The following ARFGEF1 variants were observed in gnomAD, a reference collection of about 807,000 sequenced individuals.
ARFGEF1 encodes ARF guanine nucleotide exchange factor 1.
In ARFGEF1, 42 loss-of-function variants were observed where a neutral mutation model predicts 231.0. The observed-to-expected ratio is 0.18, with a 90% CI of 0.14 to 0.24. ARFGEF1 has a LOEUF of 0.24. Ranked by LOEUF, ARFGEF1 falls within the 10% of genes least tolerant of loss-of-function variation. ARFGEF1 has a pLI of 1.00. For synonymous variants in ARFGEF1, 710 were observed against 732.3 expected (o/e 0.97, Z 0.49); for missense variants, 1,345 against 2,192.0 (o/e 0.61, Z 7.72).
chr8:67,175,282 AT>A (rs749633996), downstream of ARFGEF1: 2 of 1,594,028 alleles, frequency 1.3e-6, no homozygotes, highest in South Asian at 1.1e-5. Flanking sequence ...TATATAACAT[AT>A]TTTTTATACC....
intron 1 of ARFGEF1, among the ~76,000 whole-genome samples, chr8:67,328,420 G>A (rs1282588077): frequency 3.3e-5 from 5 of 152,128 alleles, no homozygotes; most frequent in African/African-American, 1.2e-4. Context: ...GAATATAGCA[G>A]TTTGCACACA....
intron 10 of ARFGEF1, among the ~76,000 whole-genome samples, chr8:67,270,734 AC>A (rs1282283138): frequency 6.9e-4 from 90 of 130,480 alleles, no homozygotes; most frequent in Middle Eastern, 4.0e-3. Flanking sequence ...AAAAAAAAAA[AC>A]CACATAAAGC....
chr8:67,267,562 C>T (rs1189227684), intron 10 of ARFGEF1, 120 bp from the exon 11 acceptor site: 2 of 617,222 alleles, frequency 3.2e-6, no homozygotes, highest in Non-Finnish European at 5.6e-6. Flanking sequence ...TGGAGTTCAA[C>T]TCCTTTTGAG....
chr8:67,180,230 C>A (rs962261010), intron 5 of ARFGEF1, among the ~76,000 whole-genome samples: 1 of 152,100 alleles, frequency 6.6e-6, no homozygotes, highest in Non-Finnish European at 1.5e-5. Flanking sequence ...TAAAAAAACT[C>A]TGGTACATCC....
At chr8:67,298,693 C>A (rs1262368958) in intron 4 of ARFGEF1, among the ~76,000 whole-genome samples, 1 of 152,170 alleles carries the variant, frequency 6.6e-6, no homozygotes, top group African/African-American at 2.4e-5. Context: ...TGAGAACATA[C>A]TTTTCCTCTA....
downstream of ARFGEF1, among the ~76,000 whole-genome samples, chr8:67,192,730 G>A (rs1216462882): frequency 2.6e-5 from 4 of 152,136 alleles, no homozygotes; most frequent in Admixed American, 2.6e-4. Context: ...TTTGCATGTG[G>A]CCATCCAGTT....
chr8:67,342,690 G>A (rs2128941228), intron 1 of ARFGEF1, among the ~76,000 whole-genome samples: 1 of 152,214 alleles, frequency 6.6e-6, no homozygotes, highest in African/African-American at 2.4e-5. Context: ...AACAACTTCA[G>A]CAGCCTATCT....
At chr8:67,266,350 G>A (rs1160488050) in intron 13 of ARFGEF1, 143 bp from the exon 14 acceptor site, 1 of 647,910 alleles carries the variant, frequency 1.5e-6, no homozygotes. Flanking sequence ...AGGTAACATA[G>A]TAAACAACAT....
intron 1 of ARFGEF1, among the ~76,000 whole-genome samples, chr8:67,322,286 C>T (rs1807633254): frequency 6.6e-6 from 1 of 152,244 alleles, no homozygotes; most frequent in Non-Finnish European, 1.5e-5. Flanking sequence ...AGGTAACTCT[C>T]TCACACTTTG....
At chr8:67,201,411 C>T (rs1838323872) in intron 37 of ARFGEF1, 56 bp downstream of exon 37, 4 of 1,557,490 alleles carry the variant, frequency 2.6e-6, no homozygotes, top group Non-Finnish European at 3.5e-6. Flanking sequence ...TGCCTCTTTC[C>T]TGCCCGGCAC....
intron 1 of ARFGEF1, among the ~76,000 whole-genome samples, chr8:67,334,345 A>G (rs914115000): frequency 2.6e-5 from 4 of 151,984 alleles, no homozygotes; most frequent in Admixed American, 1.3e-4. Context: ...CTGATAAAGG[A>G]TATTTAATCT....
At chr8:67,236,363 AAAATAT>A (rs1366981948) in intron 22 of ARFGEF1, among the ~76,000 whole-genome samples, 56 of 37,636 alleles carry the variant, frequency 1.5e-3, no homozygotes, top group Non-Finnish European at 2.1e-3. Flanking sequence ...AAAAAAAAAA[AAAATAT>A]ATATATATAT....
At chr8:67,323,954 C>A (rs1807711456) in intron 1 of ARFGEF1, among the ~76,000 whole-genome samples, 1 of 152,126 alleles carries the variant, frequency 6.6e-6, no homozygotes, top group South Asian at 2.1e-4. Context: ...GCACCTGCCA[C>A]TACGCCTGGC....
chr8:67,290,148 A>C (rs138646961), intron 6 of ARFGEF1, among the ~76,000 whole-genome samples: 247 of 152,336 alleles, frequency 1.6e-3, no homozygotes, highest in African/African-American at 5.5e-3. Flanking sequence ...TATTGGGAGA[A>C]AAACATCTTT....
Position 67,253,444 on chromosome 8 carries a change from T to C in ARFGEF1, c.2698+7A>G, listed in dbSNP as rs1840362153. 7.2e-6 allele frequency: 11 copies of C among 1,524,826 alleles called. No individual in the cohort carries two copies. The highest frequency in any genetic ancestry group is 9.9e-6 in the Non-Finnish European group (11 of 1,111,930). The allele number at this position is 1,524,826 out of a possible 1,614,324, so 94.5% of individuals were successfully genotyped here. A position where few individuals can be genotyped will look rare whatever the true frequency, so the allele number is the denominator to read the frequency against. On this transcript the variant is annotated splice_region_variant and intron_variant, in intron 18 of 38. Transcript: ENST00000262215. ...ACAATCAGAATTCAATTAATTTAGA[T>C]ACTTACTCTGTTTACTTGATTTTGT...
chr8:67,330,363 T>C (rs1375258646), intron 1 of ARFGEF1, among the ~76,000 whole-genome samples: 1 of 152,126 alleles, frequency 6.6e-6, no homozygotes, highest in Non-Finnish European at 1.5e-5. Flanking sequence ...CAAAAGAACC[T>C]TTCCTTCTAC....
At chr8:67,219,114 C>G (rs1382701455) in intron 30 of ARFGEF1, among the ~76,000 whole-genome samples, 1 of 152,056 alleles carries the variant, frequency 6.6e-6, no homozygotes, top group Non-Finnish European at 1.5e-5. Context: ...CTACAGGTAC[C>G]TGCCACCACA....
intron 33 of ARFGEF1, among the ~76,000 whole-genome samples, chr8:67,213,690 G>C (rs1239433201): frequency 6.6e-6 from 1 of 152,150 alleles, no homozygotes; most frequent in Non-Finnish European, 1.5e-5. Context: ...ACTTTTTAAG[G>C]AAATTATCTT....
chr8:67,180,153 C>T (rs538980963), intron 5 of ARFGEF1, among the ~76,000 whole-genome samples: 10 of 152,124 alleles, frequency 6.6e-5, no homozygotes, highest in South Asian at 6.2e-4. Flanking sequence ...CATGAATGTT[C>T]GTAACAGCCT....
Sources: gnomAD v4.1 joint callset for allele counts (sites outside exome capture counted in the v4.1 genomes callset) on GRCh38, gnomAD v4.1.1 for gene constraint, MANE v1.5 for transcripts, NCBI Gene and HGNC (gene_info 2026-07-23, HGNC 2026-07-21) for gene names.